The following LSM11 variants were observed in gnomAD, a reference collection of about 807,000 sequenced individuals.
LSM11 encodes the protein U7 snRNA-associated Sm-like protein LSm11.
Under a neutral mutation model 28.1 loss-of-function variants are expected in LSM11, and 14 were observed. That is an observed-to-expected ratio of 0.50 (90% CI 0.33 to 0.78). LSM11 has a LOEUF of 0.78. Ranked by LOEUF, LSM11 falls within the 30% of genes least tolerant of loss-of-function variation. LSM11 has a pLI of 0.02. For missense variants in LSM11, 495 were observed against 510.6 expected (o/e 0.97, Z 0.30); for synonymous variants, 207 against 214.2 (o/e 0.97, Z 0.30).
At chr5:157,751,305 C>T in intron 1 of LSM11, 85 bp from the exon 2 acceptor site, 1 of 1,436,082 alleles carries the variant, frequency 7.0e-7, no homozygotes, top group South Asian at 1.5e-5. Context: ...CCACATGTTG[C>T]TGGCCGAAGT....
chr5:157,751,255 C>A, intron 1 of LSM11, 135 bp from the exon 2 acceptor site: 1 of 933,588 alleles, frequency 1.1e-6, no homozygotes, highest in East Asian at 2.9e-5. Context: ...GCCCATTGGA[C>A]CTTCCTGTTC....
chr5:157,743,948 A>G lies in LSM11; in HGVS notation c.198A>G (p.Gly66=), dbSNP rs762490141. Reference sequence around the variant, plus strand: ...AGTACGAGAGCTTCCTCAGGACCGGAGTCCGGGGCGGCGGGCGCGGGCGCG... The same window carrying G: ...AGTACGAGAGCTTCCTCAGGACCGGGGTCCGGGGCGGCGGGCGCGGGCGCG... ...VAEYESFLRT[G]VRGGGRGRGR... is the part of the protein sequence containing the mutation. The change falls in exon 1 of 4, where the codon GGA becomes GGG. Residue 66 remains glycine (G), a synonymous_variant. Coordinates refer to ENST00000286307, the MANE Select transcript of LSM11 (RefSeq NM_173491.4). 5.1e-6 allele frequency: 7 copies of G among 1,377,314 alleles called. No individual in the cohort carries two copies. Among genetic ancestry groups the G allele is most frequent in the Non-Finnish European group, 4.7e-6 (5 of 1,061,120 alleles). The allele number at this position is 1,377,314 out of a possible 1,614,324, so 85.3% of individuals were successfully genotyped here.
At chr5:157,746,253 A>G (rs1485100679) in intron 1 of LSM11, among the ~76,000 whole-genome samples, 2 of 152,246 alleles carry the variant, frequency 1.3e-5, no homozygotes, top group Non-Finnish European at 2.9e-5. Context: ...TCTGGAAAAA[A>G]ATGCCTATGC....
chr5:157,745,361 G>A (rs1042416009), intron 1 of LSM11, among the ~76,000 whole-genome samples: 5 of 152,152 alleles, frequency 3.3e-5, no homozygotes, highest in African/African-American at 7.2e-5. Context: ...GTGCTGTTCC[G>A]TGTGCCTTCG....
intron 3 of LSM11, 44 bp downstream of exon 3, chr5:157,754,131 C>T (rs1201885595): frequency 7.5e-7 from 1 of 1,335,064 alleles, no homozygotes; most frequent in African/African-American, 1.5e-5. Flanking sequence ...ATCATGCTTT[C>T]CAGCTTAGGA....
rs1354189458 is a variant in LSM11, at chr5:157,751,314, G to C, written c.449-76G>C. The stretch of plus-strand genomic sequence containing the variant: ...CATGGGCCACATGTTGCTGGCCGAA[G>C]TTGGGTGGTCGTGGCTTAATTCTGG... On this transcript the variant is annotated intron_variant, in intron 1 of 3. Coordinates refer to ENST00000286307, the MANE Select transcript of LSM11 (RefSeq NM_173491.4). 5 of 1,479,588 alleles carry C rather than the reference G, an allele frequency of 3.4e-6. No homozygotes were observed. In the East Asian group the frequency reaches 1.2e-4, roughly 35 times the overall value. 91.7% of individuals were successfully genotyped at this position (1,479,588 alleles called of 1,614,324 possible).
At position 157,755,579 on chromosome 5, in the gene LSM11, A is replaced by T. The variant is rs946014003; in HGVS notation, c.*315A>T. On this transcript the variant is annotated 3_prime_UTR_variant, in exon 4 of 4. Transcript: ENST00000286307. ...GACTTAGGGGTCATGATATGAGTGG[A>T]ATTTACATTTTAGATACTATAGGGG... 1 of 479,004 alleles carries T rather than the reference A, an allele frequency of 2.1e-6. No homozygotes were observed. Among genetic ancestry groups the T allele is most frequent in the African/African-American group, 2.0e-5 (1 of 50,808 alleles). The allele number at this position is 479,004 out of a possible 1,614,324, so 29.7% of individuals were successfully genotyped here.
In LSM11 at chr5:157,758,753, C is replaced by G. The variant is rs1761369367; in HGVS notation, c.*3489C>G. The G allele has an allele frequency of 1.3e-5, 2 of 152,182 alleles. No individual in the cohort carries two copies. The highest frequency in any genetic ancestry group is 6.5e-5 in the Admixed American group (1 of 15,280). The allele number at this position is 152,182 out of a possible 1,614,324, so 9.4% of individuals were successfully genotyped here. ...TTCAACTTTGGTTCTTCAAAGTAATCTTTAAACATGGGAATATGTTTTCAA... is the reference window on the plus strand; with the variant it reads ...TTCAACTTTGGTTCTTCAAAGTAATGTTTAAACATGGGAATATGTTTTCAA... On this transcript the variant is annotated 3_prime_UTR_variant, in exon 4 of 4. Transcript: ENST00000286307.
intron 1 of LSM11, among the ~76,000 whole-genome samples, chr5:157,750,108 G>A (rs1581450921): frequency 6.6e-6 from 1 of 152,054 alleles, no homozygotes; most frequent in East Asian, 1.9e-4. Flanking sequence ...AGAGAGATTG[G>A]GGGTGCGTAG....
rs199860496 is a variant in LSM11 at position 157,743,767 on chromosome 5, G to C, written c.17G>C (p.Arg6Pro). The C allele has an allele frequency of 1.1e-4, 153 of 1,404,952 alleles. No homozygotes were observed. The highest frequency in any genetic ancestry group is 5.0e-4 in the Middle Eastern group (2 of 3,974). 87.0% of individuals were successfully genotyped at this position (1,404,952 alleles called of 1,614,324 possible). A position where few individuals can be genotyped will look rare whatever the true frequency, so the allele number is the denominator to read the frequency against. Residue 6 changes from arginine to proline, a missense_variant, in exon 1 of 4, where the codon CGG becomes CCG. Coordinates refer to ENST00000286307, the MANE Select transcript of LSM11 (RefSeq NM_173491.4). ...CTTTCAAACATGGAGGAGCGGGAGC[G>C]GGGGGCGAGGTCGGCTGGCGCCGGG... Reference protein sequence around the residue: MEERERGARSAGAGSP... With the variant: MEEREPGARSAGAGSP...
At chr5:157,750,114 C>T (rs999333062) in intron 1 of LSM11, among the ~76,000 whole-genome samples, 15 of 151,850 alleles carry the variant, frequency 9.9e-5, no homozygotes, top group Non-Finnish European at 1.5e-4. Flanking sequence ...ATTGGGGGTG[C>T]GTAGTGCGTG....
Position 157,757,886 on chromosome 5 carries a change from G to A in LSM11, c.*2622G>A, listed in dbSNP as rs1318586480. 2 of 152,108 alleles carry A rather than the reference G, an allele frequency of 1.3e-5. No homozygotes were observed. Among genetic ancestry groups the A allele is most frequent in the African/African-American group, 4.8e-5 (2 of 41,410 alleles). 9.4% of individuals were successfully genotyped at this position (152,108 alleles called of 1,614,324 possible). On this transcript the variant is annotated 3_prime_UTR_variant, in exon 4 of 4. Transcript: ENST00000286307. ...TATGTTTACCTATAATTTTCATATAGCCGTATAAGGATTGATTTACCATTT... is the reference window on the plus strand; with the variant it reads ...TATGTTTACCTATAATTTTCATATAACCGTATAAGGATTGATTTACCATTT...
chr5:157,750,762 A>G (rs377718571), intron 1 of LSM11, among the ~76,000 whole-genome samples: 17 of 152,254 alleles, frequency 1.1e-4, no homozygotes, highest in African/African-American at 4.1e-4. Context: ...TAATGTATAC[A>G]TTTAATGTTT....
At chr5:157,744,307 G>A in intron 1 of LSM11, 109 bp downstream of exon 1, 2 of 851,844 alleles carry the variant, frequency 2.3e-6, no homozygotes, top group Non-Finnish European at 3.1e-6. Context: ...CACGTATTGC[G>A]GGAGCGCCTT....
intron 2 of LSM11, 93 bp from the exon 3 acceptor site, chr5:157,753,911 T>A: frequency 1.1e-6 from 1 of 871,422 alleles, no homozygotes; most frequent in Non-Finnish European, 1.7e-6. Flanking sequence ...TCTGAATAGA[T>A]GTTACTCTGC....
At chr5:157,751,089 A>G (rs1411979498) in intron 1 of LSM11, among the ~76,000 whole-genome samples, 1 of 152,130 alleles carries the variant, frequency 6.6e-6, no homozygotes, top group African/African-American at 2.4e-5. Context: ...GCCAACCCCA[A>G]AAGTTAAGTG....
chr5:157,755,960 C>G lies in LSM11; in HGVS notation c.*696C>G. The stretch of plus-strand genomic sequence containing the variant: ...AGAGGTAGCCTCTGCAAATGGCATA[C>G]CAGATGGGACTCTAAGATGCTTGTG... On this transcript the variant is annotated 3_prime_UTR_variant, in exon 4 of 4. Transcript: ENST00000286307. 2 of 351,300 alleles carry G rather than the reference C, an allele frequency of 5.7e-6. No homozygotes were observed. The highest frequency in any genetic ancestry group is 1.0e-5 in the Non-Finnish European group (2 of 197,144). The allele number at this position is 351,300 out of a possible 1,614,324, so 21.8% of individuals were successfully genotyped here.
intron 1 of LSM11, among the ~76,000 whole-genome samples, chr5:157,744,455 G>A (rs138860091): frequency 6.6e-6 from 1 of 152,184 alleles, no homozygotes; most frequent in Non-Finnish European, 1.5e-5. Flanking sequence ...TAAGGCTGTA[G>A]TGGTCATAAG....
At chr5:157,744,273 C>A in intron 1 of LSM11, 75 bp downstream of exon 1, 1 of 1,098,558 alleles carries the variant, frequency 9.1e-7, no homozygotes, top group Non-Finnish European at 1.2e-6. Context: ...GTCTGCGGGG[C>A]GGCGGTGGCC....
Sources: allele counts gnomAD v4.1 joint callset (sites outside exome capture counted in the v4.1 genomes callset), GRCh38; gene constraint gnomAD v4.1.1; transcripts MANE v1.5; gene names NCBI Gene and HGNC (gene_info 2026-07-23, HGNC 2026-07-21).